Variants in CCDC60 observed in about 807,000 individuals in gnomAD.
The protein encoded by CCDC60 is coiled-coil domain containing 60.
A neutral mutation model predicts 63.5 loss-of-function variants in CCDC60; 54 were observed. The observed-to-expected ratio is 0.85, with a 90% CI of 0.68 to 1.07. The LOEUF is 1.07. Among genes scored for constraint, CCDC60 ranks in the 50% least tolerant of loss-of-function variants. The pLI is 0.00. For synonymous variants in CCDC60, 206 were observed against 238.8 expected (o/e 0.86, Z 1.27); for missense variants, 651 against 684.3 (o/e 0.95, Z 0.54).
At chr12:119,387,440 T>C (rs1195917636) in intron 1 of CCDC60, among the ~76,000 whole-genome samples, 1 of 152,220 alleles carries the variant, frequency 6.6e-6, no homozygotes, top group Non-Finnish European at 1.5e-5. Flanking sequence ...GACAAAGCCC[T>C]AAATTCACTC....
At chr12:119,403,637 C>T (rs943553791) in intron 1 of CCDC60, among the ~76,000 whole-genome samples, 4 of 152,068 alleles carry the variant, frequency 2.6e-5, no homozygotes, top group Non-Finnish European at 5.9e-5. Context: ...AATCCCAGAT[C>T]CCAGCTGCTG....
At chr12:119,419,869 CTTTTTTTT>C (rs1206831493) in intron 1 of CCDC60, among the ~76,000 whole-genome samples, 3 of 106,500 alleles carry the variant, frequency 2.8e-5, no homozygotes, top group Admixed American at 2.3e-4. Flanking sequence ...TTAAATAATT[CTTTTTTTT>C]TTTTTTTTTT....
In CCDC60 at chr12:119,528,739, G is replaced by T; in HGVS notation, c.1354G>T (p.Asp452Tyr). ...AAAAGGAGATGCAGAAGAAATTGCAGACCACTGGTAAATATCCTAAGAACC... is the reference window on the plus strand; with the variant it reads ...AAAAGGAGATGCAGAAGAAATTGCATACCACTGGTAAATATCCTAAGAACC... The part of the protein sequence containing the change: ...VVKGDAEEIA[D>Y]HWYFDLLSKL... Residue 452 changes from aspartate (D) to tyrosine (Y), a missense_variant, in exon 12 of 14, where the codon GAC (aspartate) becomes TAC (tyrosine). Asp to Tyr is a radical substitution (Grantham distance 160). Coordinates refer to ENST00000327554, the MANE Select transcript of CCDC60 (RefSeq NM_178499.5). 6.2e-7 allele frequency: 1 copy of T among 1,613,458 alleles called. No homozygotes were observed. Among genetic ancestry groups the T allele is most frequent in the Non-Finnish European group, 8.5e-7 (1 of 1,179,720 alleles).
At chr12:119,413,107 C>T (rs549734297) in intron 1 of CCDC60, among the ~76,000 whole-genome samples, 11 of 152,304 alleles carry the variant, frequency 7.2e-5, no homozygotes, top group African/African-American at 2.6e-4. Flanking sequence ...CCCATTAGCT[C>T]CCAGGGTCTG....
rs143719490 is a variant in CCDC60 at position 119,431,836 on chromosome 12, G to A, written c.170+3074G>A. On this transcript the variant is annotated intron_variant, in intron 2 of 13. Coordinates refer to ENST00000327554, the MANE Select transcript of CCDC60 (RefSeq NM_178499.5). ...TGGGACTACAGGAGCCCACCACCAC[G>A]CCTGGCTAATTTTTTTGTATTTTTA... 9.8e-3 allele frequency among the ~76,000 whole-genome samples: 1,491 copies of A among 152,078 alleles called. 31 individuals carry two copies. The highest frequency in any genetic ancestry group is 0.035 in the African/African-American group (1,440 of 41,450).
chr12:119,508,793 C>T (rs1952128842), intron 7 of CCDC60, among the ~76,000 whole-genome samples: 1 of 152,118 alleles, frequency 6.6e-6, no homozygotes, highest in African/African-American at 2.4e-5. Context: ...ATCTACTTTT[C>T]CAAGGTGTTC....
At chr12:119,403,503 C>T (rs1044982663) in intron 1 of CCDC60, among the ~76,000 whole-genome samples, 34 of 152,152 alleles carry the variant, frequency 2.2e-4, no homozygotes, top group African/African-American at 6.8e-4. Flanking sequence ...AAGAGCATAA[C>T]ATTGGGCTTT....
intron 1 of CCDC60, among the ~76,000 whole-genome samples, chr12:119,335,914 A>G (rs560066430): frequency 1.1e-4 from 16 of 152,074 alleles, no homozygotes; most frequent in Non-Finnish European, 1.8e-4. Flanking sequence ...GTTTTCTTCT[A>G]GGGTTTTTAT....
chr12:119,489,244 T>C (rs1473822888), intron 5 of CCDC60, among the ~76,000 whole-genome samples: 1 of 152,232 alleles, frequency 6.6e-6, no homozygotes, highest in African/African-American at 2.4e-5. Flanking sequence ...CCCTACACTA[T>C]TCTTTATTCT....
rs373361084 is a variant in CCDC60, at chr12:119,529,013, A to G, written c.1361+267A>G. ...TGCTGTTTGATTCAGACTTGCAAAT[A>G]AGGACAACCTTGCCAGGCCCTGTGG... On this transcript the variant is annotated intron_variant, in intron 12 of 13. Coordinates refer to ENST00000327554, the MANE Select transcript of CCDC60 (RefSeq NM_178499.5). 2.3e-3 allele frequency among the ~76,000 whole-genome samples: 354 copies of G among 152,238 alleles called. 1 individual carries two copies. Among genetic ancestry groups the G allele is most frequent in the South Asian group, 9.5e-3 (46 of 4,822 alleles).
chr12:119,370,592 T>C (rs1955887553), intron 1 of CCDC60, among the ~76,000 whole-genome samples: 1 of 152,138 alleles, frequency 6.6e-6, no homozygotes, highest in Non-Finnish European at 1.5e-5. Context: ...AGCAGTCCAC[T>C]CCTCCCTGCT....
chr12:119,450,796 T>C (rs561197806), intron 2 of CCDC60, among the ~76,000 whole-genome samples: 1 of 150,302 alleles, frequency 6.7e-6, no homozygotes, highest in African/African-American at 2.5e-5. Context: ...AGGCGGAGGT[T>C]GCGGTGAGCT....
rs527938762 is a variant in CCDC60, at chr12:119,434,957, A to G, written c.170+6195A>G. ...TGGATATAATCTGATTTTTTAAAAG[A>G]GCATCACATCCACTGCATAGAGGCT... is the stretch of plus-strand genomic sequence containing the variant. On this transcript the variant is annotated intron_variant, in intron 2 of 13. Coordinates refer to ENST00000327554, the MANE Select transcript of CCDC60 (RefSeq NM_178499.5). Among the ~76,000 whole-genome samples the G allele has an allele frequency of 4.6e-5, 7 of 152,322 alleles. No individual in the cohort carries two copies. The South Asian group carries it at 1.0e-3, about 23-fold the overall frequency.
chr12:119,446,050 C>T (rs1421162804), intron 2 of CCDC60, among the ~76,000 whole-genome samples: 1 of 152,116 alleles, frequency 6.6e-6, no homozygotes, highest in Non-Finnish European at 1.5e-5. Context: ...CAAACACGAC[C>T]TGTACCCTAA....
chr12:119,430,468 C>A (rs1178193481), intron 2 of CCDC60, among the ~76,000 whole-genome samples: 1 of 152,002 alleles, frequency 6.6e-6, no homozygotes, highest in Non-Finnish European at 1.5e-5. Context: ...AAATCGAGAC[C>A]ATCCTGGCTA....
Position 119,395,002 on chromosome 12 carries a change from A to T in CCDC60, c.91-33681A>T, listed in dbSNP as rs548485618. Among the ~76,000 whole-genome samples, 39 of 152,342 alleles carry T rather than the reference A, an allele frequency of 2.6e-4. 1 individual carries two copies. The East Asian group carries it at 4.8e-3, about 19-fold the overall frequency. ...GGCTTCATAATGGTGAGGATACTTA[A>T]GTTGGGTCTTGAAGGATGAGTAGTT... is the stretch of plus-strand genomic sequence containing the variant. On this transcript the variant is annotated intron_variant, in intron 1 of 13. Coordinates refer to ENST00000327554, the MANE Select transcript of CCDC60 (RefSeq NM_178499.5).
chr12:119,463,459 T>A (rs1056506524), intron 2 of CCDC60, among the ~76,000 whole-genome samples: 1 of 152,260 alleles, frequency 6.6e-6, no homozygotes. Flanking sequence ...TTTCCAGCTC[T>A]GTGACCTTGT....
intron 3 of CCDC60, among the ~76,000 whole-genome samples, chr12:119,473,672 C>T (rs964452773): frequency 2.6e-5 from 4 of 152,186 alleles, no homozygotes. Flanking sequence ...ATCCTCATAG[C>T]TTAGCTCCCA....
chr12:119,500,057 A>G (rs573012137), intron 5 of CCDC60, 21 bp from the exon 6 acceptor site: 15 of 1,542,768 alleles, frequency 9.7e-6, no homozygotes, highest in Non-Finnish European at 9.9e-6. Context: ...CGGAAAACTC[A>G]TTAAGCTGTT....
Sources: allele counts gnomAD v4.1 joint callset (sites outside exome capture counted in the v4.1 genomes callset), GRCh38; gene constraint gnomAD v4.1.1; transcripts MANE v1.5; gene names NCBI Gene and HGNC (gene_info 2026-07-23, HGNC 2026-07-21).